SPIRE1: variants seen among roughly 807,000 people sequenced by gnomAD.
SPIRE1 encodes spire type actin nucleation factor 1, also known as protein spire homolog 1.
In SPIRE1, 40 loss-of-function variants were observed where a neutral mutation model predicts 94.1. The ratio of observed to expected loss-of-function variants is 0.43; its 90% CI spans 0.33 to 0.55. SPIRE1 has a LOEUF of 0.55. SPIRE1 is among the 20% of genes least tolerant of loss of function. The pLI is 0.06. For missense variants in SPIRE1, 838 were observed against 975.2 expected, an observed-to-expected ratio of 0.86 and a Z score of 1.87; for synonymous variants, 376 against 371.7, an observed-to-expected ratio of 1.01 and a Z score of -0.13.
chr18:12,611,486 C>CA (rs2037140073), intron 2 of SPIRE1, among the ~76,000 whole-genome samples: 1 of 152,240 alleles, frequency 6.6e-6, no homozygotes, highest in African/African-American at 2.4e-5. Flanking sequence ...TGAGCCATCT[C>CA]AGAGGCAAGT....
In SPIRE1 at chr18:12,551,841, G is replaced by C. The variant is rs138797104; in HGVS notation, c.373-4937C>G. On this transcript the variant is annotated intron_variant, in intron 2 of 16. Coordinates refer to ENST00000409402, the MANE Select transcript of SPIRE1 (RefSeq NM_001128626.2). ...GCACCTTCATAAGAACCAGAAATCAGTACCAGGTTTTAACTTCAGACCACC... is the reference window on the plus strand; with the variant it reads ...GCACCTTCATAAGAACCAGAAATCACTACCAGGTTTTAACTTCAGACCACC... Among the ~76,000 whole-genome samples the C allele has an allele frequency of 2.2e-4, 34 of 152,224 alleles. No individual in the cohort carries two copies. In the East Asian group the frequency reaches 6.0e-3, roughly 27 times the overall value.
chr18:12,530,818 AAC>A (rs2034659488), intron 4 of SPIRE1, among the ~76,000 whole-genome samples: 1 of 152,218 alleles, frequency 6.6e-6, no homozygotes, highest in Non-Finnish European at 1.5e-5. Context: ...ATTCTTTTAA[AAC>A]AGTGTACTCT....
intron 8 of SPIRE1, among the ~76,000 whole-genome samples, chr18:12,492,526 T>C (rs995090841): frequency 6.6e-6 from 1 of 152,206 alleles, no homozygotes; most frequent in Non-Finnish European, 1.5e-5. Context: ...CATGCTTTCA[T>C]GACATAATAT....
chr18:12,612,944 C>T (rs1490649668), intron 2 of SPIRE1, among the ~76,000 whole-genome samples: 1 of 152,186 alleles, frequency 6.6e-6, no homozygotes, highest in African/African-American at 2.4e-5. Flanking sequence ...CCATCACTAC[C>T]ACCATTATGC....
chr18:12,647,125 T>C (rs1567989998), intron 1 of SPIRE1, among the ~76,000 whole-genome samples: 1 of 152,152 alleles, frequency 6.6e-6, no homozygotes, highest in Non-Finnish European at 1.5e-5. Flanking sequence ...CAGTTTGGTA[T>C]TATTAGGAAT....
rs1014764884 is a variant in SPIRE1 at position 12,611,415 on chromosome 18, T to A, written c.372+23647A>T. Among the ~76,000 whole-genome samples the A allele has an allele frequency of 2.6e-4, 39 of 152,224 alleles. 1 individual carries two copies. Among genetic ancestry groups the A allele is most frequent in the Admixed American group, 1.3e-4 (2 of 15,278 alleles). On this transcript the variant is annotated intron_variant, in intron 2 of 16. Coordinates refer to ENST00000409402, the MANE Select transcript of SPIRE1 (RefSeq NM_001128626.2). Reference sequence around the variant, plus strand: ...TCAGGAGGATACTTAAGCACTCCTATGGAGAAGAAGCCTATATAGTAAGTA... The same window carrying A: ...TCAGGAGGATACTTAAGCACTCCTAAGGAGAAGAAGCCTATATAGTAAGTA...
In SPIRE1 at chr18:12,470,305, G is replaced by C. The variant is rs183031333; in HGVS notation, c.1405-5347C>G. Among the ~76,000 whole-genome samples, 232 of 152,204 alleles carry C rather than the reference G, an allele frequency of 1.5e-3. 7 individuals are homozygous for C. The South Asian group carries it at 0.019, about 13-fold the overall frequency. On this transcript the variant is annotated intron_variant, in intron 10 of 16. Transcript: ENST00000409402. ...GCTTTTCCAAGAAGGAAATAACTAA[G>C]GTTTGACATTAGCATCTGATGTACC...
At chr18:12,552,222 G>C (rs138321765) in intron 2 of SPIRE1, among the ~76,000 whole-genome samples, 28 of 152,334 alleles carry the variant, frequency 1.8e-4, no homozygotes, top group African/African-American at 6.7e-4. Flanking sequence ...AAGCCACAAG[G>C]ACTGCAACTC....
intron 2 of SPIRE1, among the ~76,000 whole-genome samples, chr18:12,616,459 T>C (rs1171176068): frequency 6.6e-6 from 1 of 152,048 alleles, no homozygotes; most frequent in African/African-American, 2.4e-5. Flanking sequence ...GCACAGGGTG[T>C]TGAGGTTTTA....
intron 8 of SPIRE1, among the ~76,000 whole-genome samples, chr18:12,489,324 T>C (rs1465628031): frequency 6.6e-6 from 1 of 152,252 alleles, no homozygotes; most frequent in East Asian, 1.9e-4. Flanking sequence ...ATTGTCCTAA[T>C]TATGTATAGC....
intron 2 of SPIRE1, among the ~76,000 whole-genome samples, chr18:12,563,766 AAAAT>A (rs2035749307): frequency 6.6e-6 from 1 of 152,220 alleles, no homozygotes; most frequent in African/African-American, 2.4e-5. Context: ...CCGAAAAAGA[AAAAT>A]TAAAGGAATA....
chr18:12,633,999 A>C (rs955582572), intron 2 of SPIRE1, among the ~76,000 whole-genome samples: 3 of 152,238 alleles, frequency 2.0e-5, no homozygotes, highest in Admixed American at 6.5e-5. Context: ...CTGTAATCCC[A>C]GCACTTTGGG....
chr18:12,538,538 A>G (rs1598447745), intron 3 of SPIRE1, among the ~76,000 whole-genome samples: 2 of 152,286 alleles, frequency 1.3e-5, no homozygotes, highest in South Asian at 4.1e-4. Context: ...TGTCTAGTCT[A>G]ATGGCTTTAA....
At chr18:12,592,258 T>C (rs1414825694) in intron 2 of SPIRE1, among the ~76,000 whole-genome samples, 1 of 152,064 alleles carries the variant, frequency 6.6e-6, no homozygotes, top group African/African-American at 2.4e-5. Flanking sequence ...AATAAAGAAA[T>C]TGTCAGTATT....
At chr18:12,584,504 G>T (rs1234849829) in intron 2 of SPIRE1, among the ~76,000 whole-genome samples, 1 of 152,012 alleles carries the variant, frequency 6.6e-6, no homozygotes, top group Non-Finnish European at 1.5e-5. Context: ...AAAAAATAAT[G>T]ATTATGAACT....
chr18:12,595,303 CAATA>C, intron 2 of SPIRE1, among the ~76,000 whole-genome samples: 1 of 151,694 alleles, frequency 6.6e-6, no homozygotes, highest in South Asian at 2.1e-4. Flanking sequence ...CAGACCCTGT[CAATA>C]ATAATAATAA....
Position 12,454,216 on chromosome 18 carries a change from A to G in SPIRE1, c.1776+130T>C, listed in dbSNP as rs895709661. 33 of 1,041,646 alleles carry G rather than the reference A, an allele frequency of 3.2e-5. No homozygotes were observed. The African/African-American group carries it at 3.6e-4, about 12-fold the overall frequency. 64.5% of individuals were successfully genotyped at this position (1,041,646 alleles called of 1,614,324 possible). A position where few individuals can be genotyped will look rare whatever the true frequency, so the allele number is the denominator to read the frequency against. On this transcript the variant is annotated intron_variant, in intron 13 of 16. Transcript: ENST00000409402. ...CAGCACATGTACTGTCTACTAGGATATGAACATCACACATCCCAAATCCCC... is the reference window on the plus strand; with the variant it reads ...CAGCACATGTACTGTCTACTAGGATGTGAACATCACACATCCCAAATCCCC...
At chr18:12,496,981 T>C (rs1598412618) in intron 6 of SPIRE1, among the ~76,000 whole-genome samples, 1 of 152,236 alleles carries the variant, frequency 6.6e-6, no homozygotes, top group East Asian at 1.9e-4. Context: ...GGCAGGAGAC[T>C]CGCTTGAACC....
At chr18:12,570,084 G>A (rs1412885036) in intron 2 of SPIRE1, among the ~76,000 whole-genome samples, 4 of 152,114 alleles carry the variant, frequency 2.6e-5, no homozygotes, top group Non-Finnish European at 2.9e-5. Context: ...CACCCACCAC[G>A]TATCCCATAA....
Sources: allele counts gnomAD v4.1 joint callset (sites outside exome capture counted in the v4.1 genomes callset), GRCh38; gene constraint gnomAD v4.1.1; transcripts MANE v1.5; gene names NCBI Gene and HGNC (gene_info 2026-07-23, HGNC 2026-07-21).